Variants in JAK1 observed in about 807,000 individuals in gnomAD.
JAK1 encodes Janus kinase 1.
JAK1 carries 16 observed loss-of-function variants against 136.6 expected under a neutral mutation model. That is an observed-to-expected ratio of 0.12 (90% CI 0.08 to 0.18). JAK1 has a LOEUF of 0.18. Ranked by LOEUF, JAK1 falls within the 10% of genes least tolerant of loss-of-function variation. The probability of loss-of-function intolerance (pLI) is 1.00; values close to 1 mark genes in which losing one functional copy is unlikely to be tolerated. For missense variants in JAK1, 859 were observed against 1,450.1 expected (o/e 0.59, Z 6.62); for synonymous variants, 492 against 519.5 (o/e 0.95, Z 0.72).
intron 1 of JAK1, among the ~76,000 whole-genome samples, chr1:64,943,925 GA>G (rs199662745): frequency 2.7e-5 from 4 of 148,298 alleles, no homozygotes; most frequent in African/African-American, 7.4e-5. Context: ...TCTCAAACTT[GA>G]AAAAAAAAAG....
At chr1:64,951,939 G>A (rs531316945) in intron 1 of JAK1, among the ~76,000 whole-genome samples, 2 of 152,224 alleles carry the variant, frequency 1.3e-5, no homozygotes, top group Admixed American at 1.3e-4. Flanking sequence ...TTACAGGCGT[G>A]AGCCACCGCG....
chr1:64,966,445 G>A lies in JAK1; in HGVS notation c.-190C>T, dbSNP rs1646381057. Reference sequence around the variant, plus strand: ...GGGGCCCCAGCGTGCGCGCGCCCAGGGCTGAGGAGGGGTCGCGGCGAGGAC... The same window carrying A: ...GGGGCCCCAGCGTGCGCGCGCCCAGAGCTGAGGAGGGGTCGCGGCGAGGAC... On this transcript the variant is annotated 5_prime_UTR_variant, in exon 1 of 25. Transcript: ENST00000342505. 6.6e-6 allele frequency: 1 copy of A among 151,178 alleles called. No individual in the cohort carries two copies. The highest frequency in any genetic ancestry group is 2.4e-5 in the African/African-American group (1 of 41,346). 9.4% of individuals were successfully genotyped at this position (151,178 alleles called of 1,614,324 possible). A position where few individuals can be genotyped will look rare whatever the true frequency, so the allele number is the denominator to read the frequency against.
chr1:64,879,022 T>C lies in JAK1; in HGVS notation c.329+3A>G, dbSNP rs1282052264. The C allele has an allele frequency of 1.2e-6, 2 of 1,613,800 alleles. No homozygotes were observed. The highest frequency in any genetic ancestry group is 1.7e-6 in the Non-Finnish European group (2 of 1,179,900). On this transcript the variant is annotated splice_donor_region_variant and intron_variant, in intron 4 of 24. Transcript: ENST00000342505. ...GCAGGTACCAGGTCAGTACTTCCCATACCTCATCCGGTAGTGGAGCCGGAG... is the reference window on the plus strand; with the variant it reads ...GCAGGTACCAGGTCAGTACTTCCCACACCTCATCCGGTAGTGGAGCCGGAG...
intron 2 of JAK1, among the ~76,000 whole-genome samples, chr1:65,009,487 A>T (rs1646831692): frequency 6.6e-6 from 1 of 152,214 alleles, no homozygotes; most frequent in South Asian, 2.1e-4. Flanking sequence ...ATTAAATTAC[A>T]TCGGGAAACT....
intron 1 of JAK1, among the ~76,000 whole-genome samples, chr1:64,902,393 C>G (rs761082194): frequency 6.6e-6 from 1 of 151,982 alleles, no homozygotes; most frequent in Admixed American, 6.6e-5. Flanking sequence ...TCTGTCAATC[C>G]GAGGATAAAG....
intron 1 of JAK1, among the ~76,000 whole-genome samples, chr1:64,963,354 T>C (rs919090180): frequency 2.0e-5 from 3 of 152,188 alleles, no homozygotes; most frequent in Non-Finnish European, 4.4e-5. Flanking sequence ...TTTTCTAATT[T>C]TTCTATAGTG....
chr1:64,970,210 G>C (rs1334606316), upstream of JAK1, among the ~76,000 whole-genome samples: 1 of 147,502 alleles, frequency 6.8e-6, no homozygotes, highest in African/African-American at 2.5e-5. Context: ...AGGCCAAGAC[G>C]GGGTGGATTG....
At chr1:64,980,885 C>T (rs1168914694) in intron 2 of JAK1, among the ~76,000 whole-genome samples, 1 of 152,136 alleles carries the variant, frequency 6.6e-6, no homozygotes, top group Non-Finnish European at 1.5e-5. Flanking sequence ...TCATCCATGT[C>T]CCTACAAAGG....
intron 2 of JAK1, among the ~76,000 whole-genome samples, chr1:64,977,507 T>C (rs1381225681): frequency 6.6e-6 from 1 of 150,674 alleles, no homozygotes; most frequent in Non-Finnish European, 1.5e-5. Flanking sequence ...CTTGGCTCAC[T>C]GCAAGCTCTG....
Position 64,844,964 on chromosome 1 carries a change from C to A in JAK1, c.2116-75G>T. The A allele has an allele frequency of 6.3e-7, 1 of 1,590,222 alleles. No homozygotes were observed. Among genetic ancestry groups the A allele is most frequent in the Non-Finnish European group, 8.6e-7 (1 of 1,162,726 alleles). On this transcript the variant is annotated intron_variant, in intron 15 of 24. Coordinates refer to ENST00000342505, the MANE Select transcript of JAK1 (RefSeq NM_002227.4). The surrounding 1 kb of genome is among the most constrained non-coding windows in gnomAD (Gnocchi z 5.7). ...TATTTCCAACCCTGGTCCCTCAGGT[C>A]ATCTCTTCCTACCCCCAGCTACAGC...
At chr1:64,993,263 T>G (rs888442389) in intron 2 of JAK1, 5 of 152,070 alleles carry the variant, frequency 3.3e-5, no homozygotes, top group Non-Finnish European at 4.4e-5. Context: ...TGGTTAAGAG[T>G]TGGGGCACTG....
At chr1:64,935,594 C>T (rs1249798700) in intron 1 of JAK1, among the ~76,000 whole-genome samples, 1 of 152,222 alleles carries the variant, frequency 6.6e-6, no homozygotes, top group Admixed American at 6.5e-5. Context: ...AGCCACCGCA[C>T]CCAGCCCATA....
In JAK1 at chr1:64,901,632, T is replaced by C. The variant is rs115997254; in HGVS notation, c.-77-15291A>G. ...TAGACACAGTTTTAAAAGTATTCTCTTACTTATAATTATAATGCCCTATAA... is the reference window on the plus strand; with the variant it reads ...TAGACACAGTTTTAAAAGTATTCTCCTACTTATAATTATAATGCCCTATAA... On this transcript the variant is annotated intron_variant, in intron 1 of 24. Coordinates refer to ENST00000342505, the MANE Select transcript of JAK1 (RefSeq NM_002227.4). 1.4e-3 allele frequency among the ~76,000 whole-genome samples: 208 copies of C among 152,352 alleles called. 1 individual carries two copies. The highest frequency in any genetic ancestry group is 4.7e-3 in the African/African-American group (194 of 41,580).
chr1:64,837,023 CTT>C (rs1214477185), intron 22 of JAK1, among the ~76,000 whole-genome samples: 3 of 152,206 alleles, frequency 2.0e-5, no homozygotes, highest in Admixed American at 6.5e-5. Context: ...ATCGACTGCT[CTT>C]GTCTCATTCT....
chr1:64,841,728 A>T, intron 17 of JAK1, 127 bp from the exon 18 acceptor site: 1 of 914,422 alleles, frequency 1.1e-6, no homozygotes, highest in Non-Finnish European at 1.7e-6. Context: ...TAGATTTCGT[A>T]AGTGTTTGTT....
intron 1 of JAK1, among the ~76,000 whole-genome samples, chr1:64,940,828 G>A (rs185792504): frequency 2.6e-4 from 40 of 152,236 alleles, no homozygotes; most frequent in African/African-American, 9.2e-4. Flanking sequence ...TTCAGTTCAA[G>A]AACAGAAAAA....
intron 3 of JAK1, among the ~76,000 whole-genome samples, chr1:64,881,579 C>A (rs1457823254): frequency 6.6e-6 from 1 of 152,176 alleles, no homozygotes; most frequent in Non-Finnish European, 1.5e-5. Flanking sequence ...CTGTGGCATT[C>A]AGTATGTATT....
chr1:65,039,083 C>T lies in JAK1; in HGVS notation c.-78+5397G>A, dbSNP rs114636509. Among the ~76,000 whole-genome samples the T allele has an allele frequency of 8.2e-3, 1,248 of 152,264 alleles. 15 individuals are homozygous for T. The highest frequency in any genetic ancestry group is 0.028 in the African/African-American group (1,178 of 41,536). On this transcript the variant is annotated intron_variant, in intron 2 of 25. Coordinates refer to the JAK1 transcript ENST00000671954. Reference sequence around the variant, plus strand: ...AAATGCTGGGATTACAGGCTTGAGCCGCCACACCCAGCCAGTACACACACA... The same window carrying T: ...AAATGCTGGGATTACAGGCTTGAGCTGCCACACCCAGCCAGTACACACACA...
chr1:65,039,641 A>G (rs1340548748), intron 2 of JAK1, among the ~76,000 whole-genome samples: 1 of 152,202 alleles, frequency 6.6e-6, no homozygotes. Context: ...ATTTGGGGAC[A>G]CTAAAGGCAA....
Sources: allele counts gnomAD v4.1 joint callset (sites outside exome capture counted in the v4.1 genomes callset), GRCh38; gene constraint gnomAD v4.1.1; non-coding constraint Gnocchi (gnomAD v3.1); transcripts MANE v1.5; gene names NCBI Gene and HGNC (gene_info 2026-07-23, HGNC 2026-07-21).